Variants in CHL1 observed in about 807,000 individuals in gnomAD.
CHL1 encodes the protein cell adhesion molecule L1 like.
In CHL1, 96 loss-of-function variants were observed where a neutral mutation model predicts 141.9. The observed-to-expected ratio is 0.68, with a 90% CI of 0.57 to 0.80. The LOEUF is 0.80. CHL1 is among the 30% of genes least tolerant of loss of function. CHL1 has a pLI of 0.00. For synonymous variants in CHL1, 613 were observed against 502.2 expected (o/e 1.22, Z -2.95); for missense variants, 1,820 against 1,457.2 (o/e 1.25, Z -4.05).
intron 2 of CHL1, among the ~76,000 whole-genome samples, chr3:304,397 G>A (rs889881242): frequency 2.0e-5 from 3 of 152,036 alleles, no homozygotes; most frequent in Admixed American, 6.6e-5. Context: ...GTAGATTATT[G>A]ATTACTTCCT....
intron 2 of CHL1, among the ~76,000 whole-genome samples, chr3:262,779 G>T (rs1266151050): frequency 6.6e-6 from 1 of 152,200 alleles, no homozygotes; most frequent in Non-Finnish European, 1.5e-5. Flanking sequence ...AGAAAGGACA[G>T]AAATCAGCAT....
intron 23 of CHL1, among the ~76,000 whole-genome samples, chr3:393,337 G>T (rs560087389): frequency 2.7e-5 from 4 of 149,734 alleles, no homozygotes; most frequent in African/African-American, 9.7e-5. Flanking sequence ...CAAAAAAATT[G>T]TAAGAACTGC....
intron 1 of CHL1, among the ~76,000 whole-genome samples, chr3:202,036 C>T (rs1698993401): frequency 6.6e-6 from 1 of 152,178 alleles, no homozygotes; most frequent in African/African-American, 2.4e-5. Context: ...TGGTTACATG[C>T]ACTGGCTATA....
At chr3:264,813 C>T (rs910086923) in intron 2 of CHL1, among the ~76,000 whole-genome samples, 4 of 152,104 alleles carry the variant, frequency 2.6e-5, no homozygotes, top group African/African-American at 9.7e-5. Flanking sequence ...CGTAAAATAC[C>T]AGCGTACTTA....
chr3:383,501 A>T (rs549600617), intron 18 of CHL1, among the ~76,000 whole-genome samples: 3 of 152,308 alleles, frequency 2.0e-5, no homozygotes, highest in Admixed American at 2.0e-4. Context: ...TTTTTTTTTA[A>T]AAAAGCAGGT....
chr3:302,199 A>G (rs530082677), intron 2 of CHL1, among the ~76,000 whole-genome samples: 2 of 152,364 alleles, frequency 1.3e-5, no homozygotes, highest in South Asian at 4.1e-4. Flanking sequence ...ATTGTGCCAC[A>G]ATAAACATAC....
intron 1 of CHL1, among the ~76,000 whole-genome samples, chr3:222,842 T>A (rs604691): frequency 0.97 from 147,136 of 152,284 alleles, 71,196 homozygotes; most frequent in East Asian, 1. Context: ...TATTCATTAC[T>A]TCCAGGGAAT....
rs767818218 is a variant in CHL1 at position 344,603 on chromosome 3, C to A, written c.742C>A (p.Gln248Lys). 1 of 1,609,894 alleles carries A rather than the reference C, an allele frequency of 6.2e-7. No homozygotes were observed. Among genetic ancestry groups the A allele is most frequent in the South Asian group, 1.1e-5 (1 of 90,150 alleles). The change falls in exon 9 of 28, where the codon CAA becomes AAA. Residue 248 changes from glutamine to lysine, a missense_variant. Transcript: ENST00000256509. ...CTATTTTGTAGCAAATTCCATCAAG[C>A]AAAGAAAACCCAAACTGCTGTTGCC... The part of the protein sequence containing the change: ...EIGSKANSIK[Q>K]RKPKLLLPPT...
intron 9 of CHL1, among the ~76,000 whole-genome samples, chr3:345,710 C>A (rs116544129): frequency 2.6e-3 from 392 of 152,198 alleles, no homozygotes; most frequent in African/African-American, 8.9e-3. Flanking sequence ...GTCTCGATCT[C>A]CGGACCCTGT....
intron 3 of CHL1, among the ~76,000 whole-genome samples, chr3:325,436 G>T (rs1218224931): frequency 1.4e-5 from 2 of 147,268 alleles, no homozygotes; most frequent in Admixed American, 6.8e-5. Flanking sequence ...AATTCCTATT[G>T]AAATAGTTTA....
chr3:374,732 G>T (rs1013978223), intron 15 of CHL1, among the ~76,000 whole-genome samples: 1 of 152,186 alleles, frequency 6.6e-6, no homozygotes, highest in Non-Finnish European at 1.5e-5. Flanking sequence ...CTGCTGGCTG[G>T]CCTTGACTGC....
intron 8 of CHL1, 33 bp from the exon 9 acceptor site, chr3:344,555 GA>G (rs748194239): frequency 1.2e-5 from 19 of 1,559,682 alleles, no homozygotes; most frequent in Non-Finnish European, 1.6e-5. Flanking sequence ...ATATTAATTT[GA>G]AAAAATTCTG....
intron 9 of CHL1, among the ~76,000 whole-genome samples, chr3:344,928 G>T (rs1338645337): frequency 1.3e-5 from 2 of 152,152 alleles, no homozygotes; most frequent in Admixed American, 6.6e-5. Flanking sequence ...GTTGGAGGCT[G>T]CAGTGAGCTA....
At chr3:225,213 T>C (rs1000106303) in intron 1 of CHL1, among the ~76,000 whole-genome samples, 2 of 152,244 alleles carry the variant, frequency 1.3e-5, no homozygotes, top group African/African-American at 4.8e-5. Flanking sequence ...ATTCAACATA[T>C]AATTATTGCC....
intron 1 of CHL1, among the ~76,000 whole-genome samples, chr3:220,890 C>T (rs1039894766): frequency 8.5e-5 from 13 of 152,140 alleles, no homozygotes; most frequent in African/African-American, 2.9e-4. Flanking sequence ...CCCACACCTT[C>T]GAAAGTCTGA....
At chr3:256,107 A>AACATATTCTAAGCGAAGTAAGGAGGTT (rs143259170) in intron 2 of CHL1, among the ~76,000 whole-genome samples, 19,546 of 142,092 alleles carry the variant, frequency 0.14, 1,535 homozygotes, top group East Asian at 0.38. Context: ...CTTAGAGCTA[A>AACATATTCTAAGCGAAGTAAGGAGGTT]ACATATTCTA....
intron 1 of CHL1, among the ~76,000 whole-genome samples, chr3:217,863 C>G (rs1184592254): frequency 6.6e-6 from 1 of 152,094 alleles, no homozygotes; most frequent in Non-Finnish European, 1.5e-5. Flanking sequence ...CAAACCTTGG[C>G]TGTTGCATGC....
chr3:276,703 C>A (rs1559369510), intron 2 of CHL1, among the ~76,000 whole-genome samples: 2 of 151,770 alleles, frequency 1.3e-5, no homozygotes. Context: ...TCCTGGCTAA[C>A]AGGGTGAAAT....
In CHL1 at chr3:394,883, G is replaced by T. The variant is rs1392525807; in HGVS notation, c.3094+11G>T. The T allele has an allele frequency of 1.3e-6, 2 of 1,582,442 alleles. No homozygotes were observed. The highest frequency in any genetic ancestry group is 1.7e-6 in the Non-Finnish European group (2 of 1,169,094). Reference sequence around the variant, plus strand: ...CCTTAGGAGAAGGGAGTAAGTACATGAGGCTTCTCTTTTTAATAGAGGCTT... The same window carrying T: ...CCTTAGGAGAAGGGAGTAAGTACATTAGGCTTCTCTTTTTAATAGAGGCTT... On this transcript the variant is annotated intron_variant, in intron 24 of 27. Coordinates refer to ENST00000256509, the MANE Select transcript of CHL1 (RefSeq NM_006614.4).
Sources: allele counts gnomAD v4.1 joint callset (sites outside exome capture counted in the v4.1 genomes callset), GRCh38; gene constraint gnomAD v4.1.1; transcripts MANE v1.5; gene names NCBI Gene and HGNC (gene_info 2026-07-23, HGNC 2026-07-21).